The following COBL variants were observed in gnomAD, a reference collection of about 807,000 sequenced individuals.
COBL encodes cordon-bleu WH2 repeat protein, also known as protein cordon-bleu.
COBL carries 51 observed loss-of-function variants against 98.8 expected under a neutral mutation model. The ratio of observed to expected loss-of-function variants is 0.52; its 90% CI spans 0.41 to 0.65. COBL has a LOEUF of 0.65. Among genes scored for constraint, COBL ranks in the 30% least tolerant of loss-of-function variants. The probability of loss-of-function intolerance (pLI) is 0.00; values close to 1 mark genes in which losing one functional copy is unlikely to be tolerated. For missense variants in COBL, 1,617 were observed against 1,617.5 expected (o/e 1.00, Z 0.01); for synonymous variants, 634 against 651.7 (o/e 0.97, Z 0.41).
chr7:51,280,705 T>A (rs1168024659), intron 1 of COBL, among the ~76,000 whole-genome samples: 4 of 152,088 alleles, frequency 2.6e-5, no homozygotes, highest in Admixed American at 2.6e-4. Flanking sequence ...CCTGGGTGCG[T>A]CCCCAAACTG....
At chr7:51,057,995 A>G (rs982352599) in intron 7 of COBL, among the ~76,000 whole-genome samples, 3 of 152,208 alleles carry the variant, frequency 2.0e-5, no homozygotes, top group African/African-American at 7.2e-5. Context: ...TTTAAAATGA[A>G]GTTTGTTTTC....
chr7:51,227,725 T>G (rs1025910335), intron 1 of COBL, among the ~76,000 whole-genome samples: 2 of 152,156 alleles, frequency 1.3e-5, no homozygotes, highest in African/African-American at 4.8e-5. Context: ...TAAGAATCCA[T>G]GTAATACCTT....
chr7:51,272,209 T>C (rs1003168695), intron 1 of COBL, among the ~76,000 whole-genome samples: 1 of 152,208 alleles, frequency 6.6e-6, no homozygotes, highest in African/African-American at 2.4e-5. Context: ...TTTCTACTAT[T>C]GCATGCTTCA....
intron 6 of COBL, among the ~76,000 whole-genome samples, chr7:51,100,854 G>C (rs1351997560): frequency 1.3e-5 from 2 of 151,926 alleles, no homozygotes; most frequent in Non-Finnish European, 2.9e-5. Flanking sequence ...AGTGAGCTGA[G>C]ATCCTGCCAC....
intron 8 of COBL, among the ~76,000 whole-genome samples, chr7:51,036,555 T>C (rs1226462970): frequency 6.6e-6 from 1 of 152,016 alleles, no homozygotes; most frequent in Non-Finnish European, 1.5e-5. Flanking sequence ...TCTGCACCTC[T>C]CACTACAGGC....
chr7:51,315,745 T>C (rs905008052), intron 1 of COBL, among the ~76,000 whole-genome samples: 1 of 151,924 alleles, frequency 6.6e-6, no homozygotes, highest in African/African-American at 2.4e-5. Context: ...GCTCGGGGTC[T>C]GAATAATGAG....
intron 1 of COBL, among the ~76,000 whole-genome samples, chr7:51,285,825 C>T (rs1312529488): frequency 6.6e-6 from 1 of 152,176 alleles, no homozygotes; most frequent in African/African-American, 2.4e-5. Flanking sequence ...AATCACATTA[C>T]ATAGCCTTAA....
At chr7:51,123,997 T>C (rs1239494029) in intron 6 of COBL, among the ~76,000 whole-genome samples, 1 of 152,206 alleles carries the variant, frequency 6.6e-6, no homozygotes, top group Non-Finnish European at 1.5e-5. Flanking sequence ...CTGGCAGTAG[T>C]AGCAGCCCTG....
rs571744707 is a variant in COBL, at chr7:51,240,036, AT to A, written c.42-20093del. 1.6e-3 allele frequency among the ~76,000 whole-genome samples: 247 copies of A among 152,274 alleles called. 1 individual carries two copies. Among genetic ancestry groups the A allele is most frequent in the African/African-American group, 5.7e-3 (236 of 41,554 alleles). On this transcript the variant is annotated intron_variant, in intron 1 of 12. Transcript: ENST00000265136. ...TGGACACAATTTTGAATCTCATATA[AT>A]TTTTTTATATATTACAAAATATTAT... is the stretch of plus-strand genomic sequence containing the variant.
At chr7:51,173,872 TTAAGTA>T (rs1261525612) in intron 5 of COBL, among the ~76,000 whole-genome samples, 2 of 152,198 alleles carry the variant, frequency 1.3e-5, no homozygotes, top group African/African-American at 4.8e-5. Flanking sequence ...TCATATTCCT[TTAAGTA>T]TATTTCCTAT....
In COBL at chr7:51,016,766, C is replaced by T. The variant is rs1786323382; in HGVS notation, c.*785G>A. 1 of 395,800 alleles carries T rather than the reference C, an allele frequency of 2.5e-6. No individual in the cohort carries two copies. Among genetic ancestry groups the T allele is most frequent in the African/African-American group, 2.1e-5 (1 of 48,610 alleles). The allele number at this position is 395,800 out of a possible 1,614,324, so 24.5% of individuals were successfully genotyped here. ...GGCACCGTGGGGGAGGCCTATGTCA[C>T]TTCATAGCCTGGGGAATGGCTGTCC... is the stretch of plus-strand genomic sequence containing the variant. On this transcript the variant is annotated 3_prime_UTR_variant, in exon 13 of 13. Transcript: ENST00000265136.
intron 8 of COBL, among the ~76,000 whole-genome samples, chr7:51,041,562 C>T (rs1427476541): frequency 7.2e-6 from 1 of 138,726 alleles, no homozygotes; most frequent in Non-Finnish European, 1.5e-5. Flanking sequence ...CGGTTCACTG[C>T]AACCTCTGCC....
chr7:51,017,124 C>T lies in COBL; in HGVS notation c.*427G>A, dbSNP rs930775286. 115 of 424,402 alleles carry T rather than the reference C, an allele frequency of 2.7e-4. No homozygotes were observed. The highest frequency in any genetic ancestry group is 2.2e-3 in the African/African-American group (108 of 49,168). The allele number at this position is 424,402 out of a possible 1,614,324, so 26.3% of individuals were successfully genotyped here. A position where few individuals can be genotyped will look rare whatever the true frequency, so the allele number is the denominator to read the frequency against. On this transcript the variant is annotated 3_prime_UTR_variant, in exon 13 of 13. Transcript: ENST00000265136. Reference sequence around the variant, plus strand: ...GTTCCATCTGATTCATATGTTTTTTCTAAAATTCAAAAGATCTTAAATCAG... The same window carrying T: ...GTTCCATCTGATTCATATGTTTTTTTTAAAATTCAAAAGATCTTAAATCAG...
At chr7:51,106,684 C>G (rs1472217863) in intron 6 of COBL, among the ~76,000 whole-genome samples, 1 of 152,158 alleles carries the variant, frequency 6.6e-6, no homozygotes, top group African/African-American at 2.4e-5. Context: ...CTTAGGTCAA[C>G]CAAATGATTC....
At chr7:51,221,874 C>T (rs914706936) in intron 1 of COBL, among the ~76,000 whole-genome samples, 1 of 152,298 alleles carries the variant, frequency 6.6e-6, no homozygotes, top group African/African-American at 2.4e-5. Flanking sequence ...TGTAAAGTTA[C>T]GCACATTCAC....
intron 1 of COBL, among the ~76,000 whole-genome samples, chr7:51,257,346 C>T (rs772031706): frequency 1.3e-5 from 2 of 152,128 alleles, no homozygotes; most frequent in Non-Finnish European, 2.9e-5. Context: ...AATACAGAGA[C>T]CAAACAATGC....
In COBL at chr7:51,149,494, G is replaced by T. The variant is rs146315288; in HGVS notation, c.784-13163C>A. ...CTGGCTGGTACACTTGCAAAAATAA[G>T]CAAATAAACTGATTTTCTCATTGCT... On this transcript the variant is annotated intron_variant, in intron 5 of 12. Coordinates refer to ENST00000265136, the MANE Select transcript of COBL (RefSeq NM_015198.5). 3.3e-3 allele frequency among the ~76,000 whole-genome samples: 496 copies of T among 152,286 alleles called. 16 individuals are homozygous for T. The highest frequency in any genetic ancestry group is 5.4e-4 in the Non-Finnish European group (37 of 68,018).
In COBL at chr7:51,028,368, C is replaced by T. The variant is rs2128871308; in HGVS notation, c.2728G>A (p.Val910Met). 1.9e-6 allele frequency: 3 copies of T among 1,614,270 alleles called. No individual in the cohort carries two copies. The East Asian group carries it at 6.7e-5, about 36-fold the overall frequency. ...APVLAAPPVT[V>M]KDDRTSSPHS... ...GGGCTGGATGTCCTGTCATCTTTCA[C>T]AGTGACAGGTGGTGCAGCCAGCACT... Residue 910 changes from valine to methionine, a missense_variant, in exon 10 of 13, where the codon GTG (valine) becomes ATG (methionine). By Grantham distance (21) the Val-to-Met change is conservative. Around this residue, in one of 3 missense-constraint regions of COBL, gnomAD observed 1,304 missense variants for 1,282.0 expected, o/e 1.02. Coordinates refer to ENST00000265136, the MANE Select transcript of COBL (RefSeq NM_015198.5).
At chr7:51,046,366 G>C (rs773810709) in intron 7 of COBL, among the ~76,000 whole-genome samples, 1 of 152,186 alleles carries the variant, frequency 6.6e-6, no homozygotes, top group Non-Finnish European at 1.5e-5. Flanking sequence ...CTGTCAGAGA[G>C]AGCACAGATC....
Sources: allele counts gnomAD v4.1 joint callset (sites outside exome capture counted in the v4.1 genomes callset), GRCh38; gene constraint gnomAD v4.1.1; regional missense constraint gnomAD v4.1.1; transcripts MANE v1.5; gene names NCBI Gene and HGNC (gene_info 2026-07-23, HGNC 2026-07-21).